The following RBFOX3 variants were observed in gnomAD, a reference collection of about 807,000 sequenced individuals.
RBFOX3 encodes RNA binding protein fox-1 homolog 3.
RBFOX3 carries 17 observed loss-of-function variants against 48.7 expected under a neutral mutation model. The ratio of observed to expected loss-of-function variants is 0.35; its 90% CI spans 0.24 to 0.52. The LOEUF (loss-of-function observed/expected upper bound fraction) is 0.52, where lower values mean the gene tolerates loss of function less well. Ranked by LOEUF, RBFOX3 falls within the 20% of genes least tolerant of loss-of-function variation. The pLI is 0.94. For missense variants in RBFOX3, 382 were observed against 497.5 expected (o/e 0.77, Z 2.21); for synonymous variants, 212 against 209.5 (o/e 1.01, Z -0.10).
rs2168478 is a variant in RBFOX3, at chr17:79,364,795, A to T, written c.-174-56971T>A. Among the ~76,000 whole-genome samples, 44,712 of 152,018 alleles carry T rather than the reference A, an allele frequency of 0.29. 6,848 individuals are homozygous for T. Among genetic ancestry groups the T allele is most frequent in the African/African-American group, 0.39 (16,113 of 41,458 alleles). ...GAGGACCCCGCAAAGCCCCAGGATG[A>T]CTACCCAGCCCACGCATGTGGCCTT... On this transcript the variant is annotated intron_variant, in intron 2 of 14. Coordinates refer to ENST00000693108, the MANE Select transcript of RBFOX3 (RefSeq NM_001350451.2). The surrounding 1 kb of genome is among the most constrained non-coding windows in gnomAD (Gnocchi z 5.1).
chr17:79,564,611 A>C (rs1373109332), intron 1 of RBFOX3, among the ~76,000 whole-genome samples: 3 of 152,250 alleles, frequency 2.0e-5, no homozygotes, highest in African/African-American at 7.2e-5. Flanking sequence ...TTTATGTACA[A>C]GGAAGTTAAT....
At chr17:79,407,629 G>A (rs141251637) in intron 2 of RBFOX3, among the ~76,000 whole-genome samples, 1 of 152,196 alleles carries the variant, frequency 6.6e-6, no homozygotes, top group Non-Finnish European at 1.5e-5. Flanking sequence ...CAGAAGGAGC[G>A]AGTTGTCTGG....
chr17:79,157,935 G>C (rs1241734993), intron 4 of RBFOX3, among the ~76,000 whole-genome samples: 3 of 152,200 alleles, frequency 2.0e-5, no homozygotes, highest in Non-Finnish European at 4.4e-5. Context: ...CTGCTGCTGA[G>C]AACGACCGAG....
At chr17:79,368,153 G>A (rs926463443) in intron 2 of RBFOX3, among the ~76,000 whole-genome samples, 6 of 152,152 alleles carry the variant, frequency 3.9e-5, no homozygotes, top group African/African-American at 7.2e-5. Flanking sequence ...TTCCTTCCAC[G>A]GGATCCCACG....
intron 2 of RBFOX3, among the ~76,000 whole-genome samples, chr17:79,320,818 T>C (rs764666726): frequency 2.0e-5 from 3 of 151,956 alleles, no homozygotes; most frequent in Admixed American, 6.6e-5. Context: ...AAAAACAACT[T>C]TGAGGTGCTG....
intron 2 of RBFOX3, among the ~76,000 whole-genome samples, chr17:79,358,940 C>A (rs1277648391): frequency 1.3e-5 from 2 of 152,164 alleles, no homozygotes; most frequent in African/African-American, 4.8e-5. Flanking sequence ...TTCCCAAGTG[C>A]CCCCAGAGGG....
At chr17:79,271,083 T>TTTC (rs10690276) in intron 3 of RBFOX3, among the ~76,000 whole-genome samples, 94,181 of 150,940 alleles carry the variant, frequency 0.62, 29,817 homozygotes, top group East Asian at 0.8. Flanking sequence ...TAAGATTTTT[T>TTTC]TTTTTTTTTG....
At chr17:79,537,131 A>AC (rs797024642) in intron 1 of RBFOX3, among the ~76,000 whole-genome samples, 1 of 151,200 alleles carries the variant, frequency 6.6e-6, no homozygotes, top group East Asian at 1.9e-4. Flanking sequence ...AAAAAAAAAA[A>AC]CCAAAAAAGC....
In RBFOX3 at chr17:79,153,238, C is replaced by T. The variant is rs116636621; in HGVS notation, c.-33-37490G>A. 5.7e-3 allele frequency among the ~76,000 whole-genome samples: 862 copies of T among 152,346 alleles called. 5 individuals carry two copies. The highest frequency in any genetic ancestry group is 0.02 in the African/African-American group (832 of 41,576). ...GGTGGGTGGCGGACACAGCAGGCAA[C>T]GACCACCTGTGATCACCCCATTTCC... On this transcript the variant is annotated intron_variant, in intron 4 of 14. Coordinates refer to ENST00000693108, the MANE Select transcript of RBFOX3 (RefSeq NM_001350451.2).
At chr17:79,180,399 T>C (rs1242916244) in intron 4 of RBFOX3, among the ~76,000 whole-genome samples, 1 of 152,244 alleles carries the variant, frequency 6.6e-6, no homozygotes, top group Non-Finnish European at 1.5e-5. Flanking sequence ...CCTGTCTTGC[T>C]TGATTTCACG....
chr17:79,338,899 G>C (rs920598580), intron 2 of RBFOX3, among the ~76,000 whole-genome samples: 2 of 152,120 alleles, frequency 1.3e-5, no homozygotes, highest in Non-Finnish European at 2.9e-5. Flanking sequence ...TATTGTTTGT[G>C]TTTGGCTGTG....
rs74526566 is a variant in RBFOX3 at position 79,148,245 on chromosome 17, C to A, written c.-33-32497G>T. ...TGGAGGACTGGGGTCCCGTTTCCCA[C>A]CCACAGTCCCTTCTCCAGCCTCCCA... On this transcript the variant is annotated intron_variant, in intron 4 of 14. Transcript: ENST00000693108. Among the ~76,000 whole-genome samples the A allele has an allele frequency of 8.3e-3, 1,268 of 152,348 alleles. 23 individuals are homozygous for A. Among genetic ancestry groups the A allele is most frequent in the African/African-American group, 0.029 (1,187 of 41,566 alleles).
At chr17:79,640,891 C>A in the RBFOX3 span, among the ~76,000 whole-genome samples, 3 of 152,200 alleles carry the variant, frequency 2.0e-5, no homozygotes, top group East Asian at 3.9e-4. Context: ...TAACATTGGT[C>A]TGGCCAATGA....
At chr17:79,101,033 T>C (rs2076335622) in intron 9 of RBFOX3, among the ~76,000 whole-genome samples, 1 of 151,948 alleles carries the variant, frequency 6.6e-6, no homozygotes, top group Admixed American at 6.5e-5. Flanking sequence ...CCCCGGGCCC[T>C]TCCTCATGGT....
At chr17:79,595,061 G>A (rs1021827497) in intron 1 of RBFOX3, among the ~76,000 whole-genome samples, 18 of 152,196 alleles carry the variant, frequency 1.2e-4, no homozygotes, top group African/African-American at 4.3e-4. Context: ...CTCAGAAGAC[G>A]CTGATCCCCT....
intron 4 of RBFOX3, among the ~76,000 whole-genome samples, chr17:79,118,998 G>A (rs796291753): frequency 0.11 from 15,887 of 140,356 alleles, 957 homozygotes; most frequent in South Asian, 0.2. Context: ...AAAAAATAAA[G>A]AAAATAAAAT....
chr17:79,350,315 C>T (rs113484894), intron 2 of RBFOX3, among the ~76,000 whole-genome samples: 74 of 152,318 alleles, frequency 4.9e-4, no homozygotes, highest in African/African-American at 1.7e-3. Flanking sequence ...TTTAATTCTC[C>T]AACTCTTCCC....
In RBFOX3 at chr17:79,138,707, TCACACCCCCTCACCCACACACG is replaced by T. The variant is rs2040954059; in HGVS notation, c.-33-22981_-33-22960del. Among the ~76,000 whole-genome samples, 236 of 67,382 alleles carry T rather than the reference TCACACCCCCTCACCCACACACG, an allele frequency of 3.5e-3. 3 individuals are homozygous for T. The highest frequency in any genetic ancestry group is 9.8e-3 in the South Asian group (14 of 1,430). The allele number at this position is 67,382 out of a possible 152,430, so 44.2% of individuals were successfully genotyped here. On this transcript the variant is annotated intron_variant, in intron 4 of 14. Transcript: ENST00000693108. ...ATACACATGGACACAGCACATGCGT[TCACACCCCCTCACCCACACACG>T]CATGCACACAGCACGTGTTCACACC...
intron 4 of RBFOX3, among the ~76,000 whole-genome samples, chr17:79,201,781 C>G (rs1321276151): frequency 6.6e-6 from 1 of 152,198 alleles, no homozygotes; most frequent in African/African-American, 2.4e-5. Flanking sequence ...TTCACCCCTT[C>G]CCACGTGCTT....
Sources: gnomAD v4.1 joint callset for allele counts (sites outside exome capture counted in the v4.1 genomes callset) on GRCh38, gnomAD v4.1.1 for gene constraint, Gnocchi (gnomAD v3.1) non-coding constraint, MANE v1.5 for transcripts, NCBI Gene and HGNC (gene_info 2026-07-23, HGNC 2026-07-21) for gene names.